The following SLC4A4 variants were observed in gnomAD, a reference collection of about 807,000 sequenced individuals.
The protein encoded by SLC4A4 is electrogenic sodium bicarbonate cotransporter 1.
In SLC4A4, 27 loss-of-function variants were observed where a neutral mutation model predicts 111.5. That is an observed-to-expected ratio of 0.24 (90% CI 0.18 to 0.33). The LOEUF is 0.33. Among genes scored for constraint, SLC4A4 ranks in the 10% least tolerant of loss-of-function variants. The pLI, the probability that SLC4A4 is intolerant of heterozygous loss-of-function variation, is 1.00. For synonymous variants in SLC4A4, 443 were observed against 463.4 expected, an observed-to-expected ratio of 0.96 and a Z score of 0.57; for missense variants, 909 against 1,315.5, an observed-to-expected ratio of 0.69 and a Z score of 4.78.
intron 6 of SLC4A4, among the ~76,000 whole-genome samples, chr4:71,359,725 A>T (rs180853588): frequency 4.4e-3 from 663 of 152,328 alleles, no homozygotes; most frequent in Middle Eastern, 0.01. Context: ...TTATAGAATT[A>T]CTGTAGGTAG....
intron 3 of SLC4A4, among the ~76,000 whole-genome samples, chr4:71,325,730 T>C (rs1192548997): frequency 6.6e-6 from 1 of 152,004 alleles, no homozygotes; most frequent in Non-Finnish European, 1.5e-5. Flanking sequence ...TGTGATATTC[T>C]CATTGCTCAG....
intron 12 of SLC4A4, among the ~76,000 whole-genome samples, chr4:71,465,598 A>T (rs888449545): frequency 3.3e-5 from 5 of 151,730 alleles, no homozygotes; most frequent in African/African-American, 1.2e-4. Context: ...AATAATGAAA[A>T]AATAGGAAAC....
intron 21 of SLC4A4, among the ~76,000 whole-genome samples, chr4:71,556,005 C>T (rs1487180829): frequency 6.6e-6 from 1 of 151,890 alleles, no homozygotes; most frequent in Non-Finnish European, 1.5e-5. Context: ...CCTTATTTAG[C>T]ACTTAGTAAT....
chr4:71,405,267 A>C (rs4432720), intron 7 of SLC4A4, among the ~76,000 whole-genome samples: 151,220 of 152,206 alleles, frequency 0.99, 75,129 homozygotes, highest in Middle Eastern at 1. Flanking sequence ...TTCTTAAATT[A>C]AAATCCTTCA....
chr4:71,280,668 G>A (rs1411625252), intron 3 of SLC4A4, among the ~76,000 whole-genome samples: 1 of 152,080 alleles, frequency 6.6e-6, no homozygotes, highest in Non-Finnish European at 1.5e-5. Context: ...TTAAGTTTTG[G>A]TGAAGTCTAG....
intron 16 of SLC4A4, among the ~76,000 whole-genome samples, chr4:71,503,015 T>C (rs1337911997): frequency 6.6e-6 from 1 of 152,200 alleles, no homozygotes; most frequent in African/African-American, 2.4e-5. Flanking sequence ...TACTCTGTGA[T>C]TAGGTGCATA....
chr4:71,501,787 A>G (rs901674375), intron 16 of SLC4A4, among the ~76,000 whole-genome samples: 15 of 150,330 alleles, frequency 1.0e-4, no homozygotes, highest in Admixed American at 7.9e-4. Flanking sequence ...TCAGCCTCCC[A>G]GGTAGCTGGG....
At chr4:71,300,296 G>C (rs1725129772) in intron 3 of SLC4A4, 3 of 216,238 alleles carry the variant, frequency 1.4e-5, no homozygotes, top group South Asian at 9.0e-5. Context: ...CCAGGCTAAT[G>C]ATGAGCAGCA....
intron 16 of SLC4A4, among the ~76,000 whole-genome samples, chr4:71,517,083 G>A (rs927718421): frequency 2.6e-5 from 4 of 151,984 alleles, no homozygotes; most frequent in African/African-American, 9.7e-5. Flanking sequence ...GTATTTTTAT[G>A]TTGAATCTGA....
chr4:71,410,747 G>T (rs754274770), intron 7 of SLC4A4, among the ~76,000 whole-genome samples: 17 of 151,960 alleles, frequency 1.1e-4, no homozygotes, highest in South Asian at 2.1e-4. Flanking sequence ...TGGTTTTTTT[G>T]GTTTTTGTTT....
At chr4:71,456,708 G>A (rs908794209) in intron 12 of SLC4A4, among the ~76,000 whole-genome samples, 3 of 152,172 alleles carry the variant, frequency 2.0e-5, no homozygotes, top group Non-Finnish European at 4.4e-5. Context: ...AAATAGACAG[G>A]AATTCCAATT....
At chr4:71,182,791 T>C (rs757566919), upstream of SLC4A4, among the ~76,000 whole-genome samples, 2 of 152,112 alleles carry the variant, frequency 1.3e-5, no homozygotes, top group Non-Finnish European at 2.9e-5. Context: ...TCTGTTCTGA[T>C]AGAGAAGTCT....
intron 2 of SLC4A4, among the ~76,000 whole-genome samples, chr4:71,121,301 T>C (rs145229655): frequency 2.0e-4 from 30 of 151,632 alleles, no homozygotes; most frequent in Admixed American, 5.2e-4. Context: ...CCCGGTCTCA[T>C]CGACTGCCCA....
intron 7 of SLC4A4, among the ~76,000 whole-genome samples, chr4:71,420,213 A>G (rs1444692979): frequency 6.6e-6 from 1 of 152,244 alleles, no homozygotes; most frequent in Non-Finnish European, 1.5e-5. Context: ...AGCCAATGCA[A>G]TCAACTGGAA....
intron 14 of SLC4A4, 170 bp downstream of exon 14, chr4:71,473,140 G>A (rs11540161): frequency 9.1e-6 from 7 of 772,692 alleles, no homozygotes; most frequent in Admixed American, 6.0e-5. Flanking sequence ...AGGTATTTTA[G>A]CTGTATGATT....
At chr4:71,072,635 T>C (rs1741700009) in intron 1 of SLC4A4, among the ~76,000 whole-genome samples, 1 of 152,150 alleles carries the variant, frequency 6.6e-6, no homozygotes, top group African/African-American at 2.4e-5. Flanking sequence ...GATATTTTTA[T>C]TGGGATTACA....
chr4:71,436,383 G>A (rs1209678212), intron 7 of SLC4A4, among the ~76,000 whole-genome samples: 1 of 152,046 alleles, frequency 6.6e-6, no homozygotes, highest in East Asian at 1.9e-4. Flanking sequence ...ACAGGGAGGG[G>A]AACATCACAC....
At chr4:71,184,303 C>T (rs1478677799), upstream of SLC4A4, among the ~76,000 whole-genome samples, 2 of 152,168 alleles carry the variant, frequency 1.3e-5, no homozygotes, top group Non-Finnish European at 2.9e-5. Context: ...TGCCTATAAG[C>T]GACCAGAAAT....
chr4:71,347,090 GGTGA>G (rs1729393849), intron 4 of SLC4A4, among the ~76,000 whole-genome samples: 1 of 151,960 alleles, frequency 6.6e-6, no homozygotes, highest in African/African-American at 2.4e-5. Context: ...AATCCAGAAG[GGTGA>G]GTAATACTAT....
Sources: allele counts gnomAD v4.1 joint callset (sites outside exome capture counted in the v4.1 genomes callset), GRCh38; gene constraint gnomAD v4.1.1; transcripts MANE v1.5; gene names NCBI Gene and HGNC (gene_info 2026-07-23, HGNC 2026-07-21).